SV2B: variants seen among roughly 807,000 people sequenced by gnomAD.
SV2B encodes the protein synaptic vesicle glycoprotein 2B, also known as solute carrier family 22 member B2.
SV2B carries 41 observed loss-of-function variants against 73.9 expected under a neutral mutation model. The observed-to-expected ratio is 0.56, with a 90% confidence interval of 0.43 to 0.72. The LOEUF is 0.72. Among genes scored for constraint, SV2B ranks in the 30% least tolerant of loss-of-function variants. The pLI, the probability that SV2B is intolerant of heterozygous loss-of-function variation, is 0.00. For synonymous variants in SV2B, 314 were observed against 314.2 expected (o/e 1.00, Z 0.01); for missense variants, 764 against 857.8 (o/e 0.89, Z 1.37).
intron 1 of SV2B, among the ~76,000 whole-genome samples, chr15:91,211,367 A>G (rs746018874): frequency 5.9e-5 from 9 of 152,168 alleles, no homozygotes; most frequent in Non-Finnish European, 1.3e-4. Flanking sequence ...TCATTTGATG[A>G]TAGCCATGGC....
At position 91,220,038 on chromosome 15, in the gene SV2B, C is replaced by T. The variant is rs1022155928; in HGVS notation, c.-391-5835C>T. The stretch of plus-strand genomic sequence containing the variant: ...TCAGCTGGTGGACATTTGTACTGTT[C>T]CCAGTTTGGGGCAATTATAATGTTG... On this transcript the variant is annotated intron_variant, in intron 1 of 12. Coordinates refer to ENST00000394232, the MANE Select transcript of SV2B (RefSeq NM_001323032.3). This position sits in a 1 kb window ranked among gnomAD's most constrained non-coding sequence, Gnocchi z 4.1. Among the ~76,000 whole-genome samples, 16 of 152,190 alleles carry T rather than the reference C, an allele frequency of 1.1e-4. No homozygotes were observed. The highest frequency in any genetic ancestry group is 2.6e-4 in the Admixed American group (4 of 15,280).
intron 1 of SV2B, among the ~76,000 whole-genome samples, chr15:91,116,801 A>T (rs759969214): frequency 3.6e-4 from 55 of 152,244 alleles, no homozygotes; most frequent in Non-Finnish European, 7.2e-4. Flanking sequence ...TCACAGTTCC[A>T]TGTGGCTGGG....
At position 91,281,650 on chromosome 15, in the gene SV2B, C is replaced by T; in HGVS notation, c.1374-78C>T. 1 of 1,485,712 alleles carries T rather than the reference C, an allele frequency of 6.7e-7. No individual in the cohort carries two copies. Among genetic ancestry groups the T allele is most frequent in the Non-Finnish European group, 9.0e-7 (1 of 1,105,752 alleles). The allele number at this position is 1,485,712 out of a possible 1,614,324, so 92.0% of individuals were successfully genotyped here. Reference sequence around the variant, plus strand: ...TTGCTTGCACATCTCCTTTTTCTGCCTTGCTGTGTTTTCCATTTTGGTCTT... The same window carrying T: ...TTGCTTGCACATCTCCTTTTTCTGCTTTGCTGTGTTTTCCATTTTGGTCTT... On this transcript the variant is annotated intron_variant, in intron 9 of 12. Coordinates refer to ENST00000394232, the MANE Select transcript of SV2B (RefSeq NM_001323032.3). This position sits in a 1 kb window ranked among gnomAD's most constrained non-coding sequence, Gnocchi z 4.7.
rs1376778614 is a variant in SV2B at position 91,290,732 on chromosome 15, CATAAG to C, written c.1868+1054_1868+1058del. 1.3e-5 allele frequency among the ~76,000 whole-genome samples: 2 copies of C among 152,100 alleles called. No homozygotes were observed. Among genetic ancestry groups the C allele is most frequent in the African/African-American group, 2.4e-5 (1 of 41,418 alleles). Reference sequence around the variant, plus strand: ...TTACTAAGAGATATAAAAAAAGACACATAAGAGAAGATAAATATATGCCAACTCAG... The same window carrying C: ...TTACTAAGAGATATAAAAAAAGACACAGAAGATAAATATATGCCAACTCAG... On this transcript the variant is annotated intron_variant, in intron 12 of 12. Coordinates refer to ENST00000394232, the MANE Select transcript of SV2B (RefSeq NM_001323032.3). The surrounding 1 kb of genome is among the most constrained non-coding windows in gnomAD (Gnocchi z 4.7).
Position 91,139,948 on chromosome 15 carries a change from A to G in SV2B, c.-392+39585A>G, listed in dbSNP as rs992585435. Among the ~76,000 whole-genome samples the G allele has an allele frequency of 2.0e-5, 3 of 152,204 alleles. No homozygotes were observed. Among genetic ancestry groups the G allele is most frequent in the Non-Finnish European group, 4.4e-5 (3 of 68,026 alleles). ...AGAGTGACAGCCTGCGTCTCAGCCCAGATCATTTGGAAATTGGGCTCATGC... is the reference window on the plus strand; with the variant it reads ...AGAGTGACAGCCTGCGTCTCAGCCCGGATCATTTGGAAATTGGGCTCATGC... On this transcript the variant is annotated intron_variant, in intron 1 of 12. Transcript: ENST00000394232. This position sits in a 1 kb window ranked among gnomAD's most constrained non-coding sequence, Gnocchi z 5.2.
At chr15:91,195,890 A>C (rs546093545) in intron 1 of SV2B, among the ~76,000 whole-genome samples, 2 of 152,322 alleles carry the variant, frequency 1.3e-5, no homozygotes, top group East Asian at 3.9e-4. Flanking sequence ...CTATCTATGT[A>C]CATTTTTCAT....
chr15:91,212,726 G>T (rs1421055711), intron 1 of SV2B, among the ~76,000 whole-genome samples: 1 of 151,884 alleles, frequency 6.6e-6, no homozygotes, highest in African/African-American at 2.4e-5. Context: ...GGCCGAGGTA[G>T]GAGAATCGCT....
intron 6 of SV2B, among the ~76,000 whole-genome samples, chr15:91,264,822 G>A (rs1283186941): frequency 1.3e-5 from 2 of 152,114 alleles, no homozygotes; most frequent in African/African-American, 2.4e-5. Context: ...ATCAATGTGC[G>A]GAGAGTTACA....
chr15:91,292,003 A>G (rs1452472921), intron 12 of SV2B, among the ~76,000 whole-genome samples: 1 of 152,156 alleles, frequency 6.6e-6, no homozygotes, highest in African/African-American at 2.4e-5. Context: ...AAGGGGGAAC[A>G]CTTACACTTT....
intron 1 of SV2B, among the ~76,000 whole-genome samples, chr15:91,174,995 A>T (rs2044250509): frequency 6.6e-6 from 1 of 152,220 alleles, no homozygotes; most frequent in Admixed American, 6.5e-5. Flanking sequence ...GGATGGGTGG[A>T]AGCCTTTCTA....
chr15:91,182,893 A>G (rs922593319), intron 1 of SV2B, among the ~76,000 whole-genome samples: 4 of 152,196 alleles, frequency 2.6e-5, no homozygotes, highest in Admixed American at 2.0e-4. Context: ...GGAAAGTACT[A>G]GAGAGCTGTT....
chr15:91,206,201 CTTTT>C (rs538615675), intron 1 of SV2B, among the ~76,000 whole-genome samples: 1 of 101,904 alleles, frequency 9.8e-6, no homozygotes, highest in Admixed American at 1.1e-4. Flanking sequence ...CCATGCCTGG[CTTTT>C]TTTTTTTTTT....
At chr15:91,292,166 C>T (rs555143214) in intron 12 of SV2B, among the ~76,000 whole-genome samples, 2 of 151,478 alleles carry the variant, frequency 1.3e-5, no homozygotes, top group African/African-American at 2.4e-5. Context: ...GATTGTGTCT[C>T]GGTGAAGAGG....
At chr15:91,235,420 C>G (rs554359596) in intron 2 of SV2B, among the ~76,000 whole-genome samples, 1 of 150,228 alleles carries the variant, frequency 6.7e-6, no homozygotes, top group Non-Finnish European at 1.5e-5. Flanking sequence ...ATTCACTTTT[C>G]TGTAACTAAC....
rs1323162120 is a variant in SV2B at position 91,294,631 on chromosome 15, A to G, written c.*2079A>G. On this transcript the variant is annotated 3_prime_UTR_variant, in exon 13 of 13. Transcript: ENST00000394232. This position sits in a 1 kb window ranked among gnomAD's most constrained non-coding sequence, Gnocchi z 4.1. Reference sequence around the variant, plus strand: ...TGAGTCTGGGATTACCACATCTAAAACATTATTCTTTAATGGGATAATACA... The same window carrying G: ...TGAGTCTGGGATTACCACATCTAAAGCATTATTCTTTAATGGGATAATACA... The G allele has an allele frequency of 6.6e-6, 1 of 152,208 alleles. No homozygotes were observed. The highest frequency in any genetic ancestry group is 2.4e-5 in the African/African-American group (1 of 41,442). 9.4% of individuals were successfully genotyped at this position (152,208 alleles called of 1,614,324 possible). A position where few individuals can be genotyped will look rare whatever the true frequency, so the allele number is the denominator to read the frequency against.
chr15:91,247,060 T>C lies in SV2B; in HGVS notation c.452-4759T>C, dbSNP rs1037596101. On this transcript the variant is annotated intron_variant, in intron 2 of 12. Coordinates refer to ENST00000394232, the MANE Select transcript of SV2B (RefSeq NM_001323032.3). ...TTGTTAATTTTGTATTTCCCTTCCC[T>C]GGTGATAGGCTCATTTTTCCTTCAT... Among the ~76,000 whole-genome samples the C allele has an allele frequency of 3.3e-5, 5 of 152,230 alleles. 1 individual carries two copies. Among genetic ancestry groups the C allele is most frequent in the Non-Finnish European group, 2.9e-5 (2 of 68,046 alleles).
At chr15:91,192,680 G>T (rs997773210) in intron 1 of SV2B, among the ~76,000 whole-genome samples, 1 of 152,186 alleles carries the variant, frequency 6.6e-6, no homozygotes, top group African/African-American at 2.4e-5. Flanking sequence ...AAAGGGGAAG[G>T]CAGGTGACAT....
At chr15:91,270,844 G>A (rs2048275712) in intron 9 of SV2B, among the ~76,000 whole-genome samples, 1 of 130,352 alleles carries the variant, frequency 7.7e-6, no homozygotes, top group African/African-American at 3.1e-5. Context: ...GATGATGGGG[G>A]GACGGTGAAT....
intron 4 of SV2B, among the ~76,000 whole-genome samples, chr15:91,255,592 A>C (rs992210207): frequency 2.0e-5 from 3 of 152,112 alleles, no homozygotes; most frequent in African/African-American, 7.2e-5. Context: ...GTAACCAAAC[A>C]CCACCTGTTC....
Sources: allele counts gnomAD v4.1 joint callset (sites outside exome capture counted in the v4.1 genomes callset), GRCh38; gene constraint gnomAD v4.1.1; non-coding constraint Gnocchi (gnomAD v3.1); transcripts MANE v1.5; gene names NCBI Gene and HGNC (gene_info 2026-07-23, HGNC 2026-07-21).